Variants in GRIK2 observed in about 807,000 individuals in gnomAD.
The protein encoded by GRIK2 is glutamate receptor ionotropic, kainate 2.
In GRIK2, 32 loss-of-function variants were observed where a neutral mutation model predicts 100.3. The ratio of observed to expected loss-of-function variants is 0.32; its 90% CI spans 0.24 to 0.43. GRIK2 has a LOEUF of 0.43. Among genes scored for constraint, GRIK2 ranks in the 20% least tolerant of loss-of-function variants. GRIK2 has a pLI of 1.00. For synonymous variants in GRIK2, 417 were observed against 389.4 expected, an observed-to-expected ratio of 1.07 and a Z score of -0.83; for missense variants, 843 against 1,114.9, an observed-to-expected ratio of 0.76 and a Z score of 3.47.
intron 7 of GRIK2, among the ~76,000 whole-genome samples, chr6:101,745,436 A>G (rs944786830): frequency 1.8e-4 from 28 of 152,198 alleles, no homozygotes; most frequent in Non-Finnish European, 1.9e-4. Context: ...CAATACAGTC[A>G]TGTATTGCTT....
At chr6:101,921,748 T>TA (rs1433090286) in intron 12 of GRIK2, among the ~76,000 whole-genome samples, 2 of 152,040 alleles carry the variant, frequency 1.3e-5, no homozygotes, top group African/African-American at 2.4e-5. Context: ...AGAATTGACT[T>TA]ACCTTTCCTC....
intron 14 of GRIK2, among the ~76,000 whole-genome samples, chr6:101,986,721 T>C (rs1374227186): frequency 6.6e-6 from 1 of 151,892 alleles, no homozygotes; most frequent in Non-Finnish European, 1.5e-5. Flanking sequence ...ACCAGACAAT[T>C]AGTAAAGCTT....
intron 7 of GRIK2, among the ~76,000 whole-genome samples, chr6:101,721,549 C>A (rs913275696): frequency 3.9e-5 from 6 of 151,914 alleles, no homozygotes; most frequent in Non-Finnish European, 7.4e-5. Flanking sequence ...TAATACCCTG[C>A]AGTGCACTCC....
chr6:101,742,851 A>G (rs1413877575), intron 7 of GRIK2, among the ~76,000 whole-genome samples: 1 of 152,160 alleles, frequency 6.6e-6, no homozygotes, highest in Non-Finnish European at 1.5e-5. Context: ...GGAGAGGTAT[A>G]ATGAGGCATG....
intron 2 of GRIK2, among the ~76,000 whole-genome samples, chr6:101,525,539 T>C (rs1775109020): frequency 2.0e-5 from 3 of 152,134 alleles, no homozygotes; most frequent in South Asian, 4.1e-4. Flanking sequence ...ACATATAGGA[T>C]CTTAGTTAAC....
At chr6:101,974,424 G>A (rs886976629) in intron 14 of GRIK2, among the ~76,000 whole-genome samples, 2 of 151,852 alleles carry the variant, frequency 1.3e-5, no homozygotes, top group African/African-American at 4.8e-5. Context: ...TAAAAAAGTG[G>A]CGGGTGCTAT....
intron 14 of GRIK2, among the ~76,000 whole-genome samples, chr6:101,987,245 A>C (rs1794065509): frequency 6.6e-6 from 1 of 151,852 alleles, no homozygotes; most frequent in Non-Finnish European, 1.5e-5. Flanking sequence ...TTTTGGGAAC[A>C]ATTTTTTGTG....
At chr6:101,906,594 C>T (rs1788247637) in intron 12 of GRIK2, among the ~76,000 whole-genome samples, 1 of 151,546 alleles carries the variant, frequency 6.6e-6, no homozygotes, top group South Asian at 2.1e-4. Context: ...ATTAGTCCAC[C>T]TGAAGATAGC....
chr6:101,635,720 C>G (rs1582867793), intron 4 of GRIK2, among the ~76,000 whole-genome samples: 1 of 152,136 alleles, frequency 6.6e-6, no homozygotes, highest in African/African-American at 2.4e-5. Context: ...CAAAAGAAGA[C>G]ATTTTTGTGG....
intron 2 of GRIK2, among the ~76,000 whole-genome samples, chr6:101,486,139 T>A (rs1254163869): frequency 6.6e-6 from 1 of 152,084 alleles, no homozygotes; most frequent in African/African-American, 2.4e-5. Context: ...ATACCATGCC[T>A]TGGTGTGTTC....
chr6:101,787,261 A>G (rs1162523188), intron 7 of GRIK2, among the ~76,000 whole-genome samples: 1 of 150,626 alleles, frequency 6.6e-6, no homozygotes, highest in African/African-American at 2.4e-5. Context: ...AAGACTTTTC[A>G]TTTCAATAAT....
chr6:101,578,129 T>A (rs769924251), intron 2 of GRIK2, among the ~76,000 whole-genome samples: 5 of 152,188 alleles, frequency 3.3e-5, no homozygotes, highest in African/African-American at 4.8e-5. Context: ...TATATTTATT[T>A]TCAACAGTGC....
chr6:101,597,465 A>G (rs796419016), intron 2 of GRIK2, among the ~76,000 whole-genome samples: 5 of 151,780 alleles, frequency 3.3e-5, no homozygotes, highest in Non-Finnish European at 5.9e-5. Flanking sequence ...TGTATACTGA[A>G]AAGACAGGGT....
chr6:101,699,335 A>G (rs999128278), intron 7 of GRIK2, among the ~76,000 whole-genome samples: 2 of 152,002 alleles, frequency 1.3e-5, no homozygotes, highest in African/African-American at 4.8e-5. Flanking sequence ...TTTACTCTCA[A>G]ATTGACCTGG....
In GRIK2 at chr6:101,608,784, GGTGT is replaced by G. The variant is rs71689029; in HGVS notation, c.116-13138_116-13135del. Among the ~76,000 whole-genome samples the G allele has an allele frequency of 4.5e-3, 643 of 141,998 alleles. 8 individuals carry two copies. Among genetic ancestry groups the G allele is most frequent in the Admixed American group, 0.018 (251 of 14,196 alleles). 93.2% of individuals were successfully genotyped at this position (141,998 alleles called of 152,430 possible). On this transcript the variant is annotated intron_variant, in intron 2 of 16. Coordinates refer to ENST00000369134, the MANE Select transcript of GRIK2 (RefSeq NM_021956.5). ...TTTTAATGGAAATCTCTCATAGAGG[GGTGT>G]GTGTGTGTGTGTGTGTGTGTGTGTG...
chr6:101,743,043 G>A (rs768097319), intron 7 of GRIK2, among the ~76,000 whole-genome samples: 5 of 152,136 alleles, frequency 3.3e-5, no homozygotes, highest in Non-Finnish European at 5.9e-5. Flanking sequence ...GTCAAGCTTC[G>A]TGGCTCTTTA....
At chr6:101,432,082 T>C (rs1226362859) in intron 2 of GRIK2, among the ~76,000 whole-genome samples, 1 of 152,054 alleles carries the variant, frequency 6.6e-6, no homozygotes, top group African/African-American at 2.4e-5. Context: ...GGCTATTTAA[T>C]TGTTGCTCTT....
chr6:101,817,595 G>T (rs1006794860), intron 9 of GRIK2, among the ~76,000 whole-genome samples: 2 of 152,126 alleles, frequency 1.3e-5, no homozygotes, highest in African/African-American at 2.4e-5. Context: ...TCTAATGAAT[G>T]CATTTTGTGA....
At chr6:101,857,857 T>C (rs59346194) in intron 10 of GRIK2, among the ~76,000 whole-genome samples, 1,813 of 152,272 alleles carry the variant, frequency 0.012, 38 homozygotes, top group African/African-American at 0.041. Context: ...CCTCACCCCT[T>C]TTTTATTCAG....
Sources: gnomAD v4.1 joint callset for allele counts (sites outside exome capture counted in the v4.1 genomes callset) on GRCh38, gnomAD v4.1.1 for gene constraint, MANE v1.5 for transcripts, NCBI Gene and HGNC (gene_info 2026-07-23, HGNC 2026-07-21) for gene names.